Variants in WDR27 observed in about 807,000 individuals in gnomAD.
The protein encoded by WDR27 is WD repeat domain 27.
Under a neutral mutation model 114.4 loss-of-function variants are expected in WDR27, and 100 were observed. The ratio of observed to expected loss-of-function variants is 0.87; its 90% CI spans 0.74 to 1.03. WDR27 has a LOEUF of 1.03. Among genes scored for constraint, WDR27 ranks in the 50% least tolerant of loss-of-function variants. WDR27 has a pLI of 0.00. For synonymous variants in WDR27, 449 were observed against 423.1 expected (o/e 1.06, Z -0.75); for missense variants, 1,129 against 1,092.9 (o/e 1.03, Z -0.47).
chr6:169,665,906 G>C (rs1827727516), intron 6 of WDR27, among the ~76,000 whole-genome samples: 1 of 152,168 alleles, frequency 6.6e-6, no homozygotes, highest in African/African-American at 2.4e-5. Flanking sequence ...CTAGAGGGAG[G>C]GCAGCACTGC....
chr6:169,518,170 G>A (rs557290466), intron 25 of WDR27, among the ~76,000 whole-genome samples: 4 of 152,210 alleles, frequency 2.6e-5, no homozygotes, highest in Non-Finnish European at 5.9e-5. Context: ...TCTAGGCACA[G>A]GGTGCAAGCT....
At chr6:169,664,697 C>T in intron 7 of WDR27, 2 of 1,007,032 alleles carry the variant, frequency 2.0e-6, no homozygotes, top group Non-Finnish European at 2.4e-6. Flanking sequence ...TCTAAGTTTT[C>T]AAAATTATCT....
chr6:169,476,877 A>G (rs984328240), intron 25 of WDR27, among the ~76,000 whole-genome samples: 1 of 152,214 alleles, frequency 6.6e-6, no homozygotes, highest in African/African-American at 2.4e-5. Context: ...ATCATCTGCA[A>G]ATAATGAGAG....
chr6:169,576,985 A>G (rs187241310), intron 24 of WDR27, among the ~76,000 whole-genome samples: 147 of 152,198 alleles, frequency 9.7e-4, no homozygotes, highest in Middle Eastern at 3.4e-3. Context: ...GTAATTATAC[A>G]TTCGTGAATC....
chr6:169,611,688 C>T (rs920973439), intron 22 of WDR27, among the ~76,000 whole-genome samples: 2 of 152,138 alleles, frequency 1.3e-5, no homozygotes, highest in Admixed American at 6.5e-5. Flanking sequence ...ACTTTTAAAA[C>T]ATTTTTGTTA....
intron 23 of WDR27, among the ~76,000 whole-genome samples, chr6:169,595,324 A>T (rs1806570699): frequency 6.6e-6 from 1 of 152,154 alleles, no homozygotes; most frequent in Non-Finnish European, 1.5e-5. Context: ...AAAATGGTAG[A>T]ATTCTTCTTC....
At chr6:169,563,391 C>T (rs898856360) in intron 25 of WDR27, among the ~76,000 whole-genome samples, 2 of 152,196 alleles carry the variant, frequency 1.3e-5, no homozygotes, top group Non-Finnish European at 1.5e-5. Flanking sequence ...CCAAGCCAGA[C>T]CCTGAACACT....
intron 25 of WDR27, among the ~76,000 whole-genome samples, chr6:169,510,484 A>G (rs959720618): frequency 1.4e-4 from 21 of 152,210 alleles, no homozygotes; most frequent in African/African-American, 5.1e-4. Context: ...CTTTGTAGGG[A>G]CATGGATGAA....
chr6:169,517,740 A>G (rs1793854087), intron 25 of WDR27, among the ~76,000 whole-genome samples: 1 of 152,154 alleles, frequency 6.6e-6, no homozygotes, highest in East Asian at 1.9e-4. Flanking sequence ...CTGGATATAG[A>G]ATGATTGGTT....
chr6:169,427,066 T>C, the WDR27 span: 5 of 151,660 alleles, frequency 3.3e-5, no homozygotes, highest in Non-Finnish European at 7.3e-5. Context: ...TGGCAGGAGG[T>C]ACAGCCGCCG....
At chr6:169,632,189 CAA>C (rs1012298678) in intron 21 of WDR27, among the ~76,000 whole-genome samples, 19 of 63,882 alleles carry the variant, frequency 3.0e-4, no homozygotes, top group Admixed American at 5.2e-4. Flanking sequence ...GACTCTGTCT[CAA>C]AAAAAAAAAA....
At chr6:169,508,744 T>C (rs9478032) in intron 25 of WDR27, among the ~76,000 whole-genome samples, 18,638 of 152,288 alleles carry the variant, frequency 0.12, 1,460 homozygotes, top group African/African-American at 0.22. Context: ...TGTGGAAATG[T>C]AAAGTGTTTA....
chr6:169,626,548 C>A (rs960756880), intron 21 of WDR27, among the ~76,000 whole-genome samples: 1 of 152,338 alleles, frequency 6.6e-6, no homozygotes, highest in South Asian at 2.1e-4. Context: ...CCTTCCCTGA[C>A]CCCGCCTTGT....
intron 1 of WDR27, among the ~76,000 whole-genome samples, chr6:169,689,538 T>C (rs2128300367): frequency 6.6e-6 from 1 of 152,382 alleles, no homozygotes; most frequent in Admixed American, 6.5e-5. Context: ...ACACTGTATG[T>C]AATTACAGTT....
chr6:169,491,919 G>T (rs958375726), intron 25 of WDR27, among the ~76,000 whole-genome samples: 4 of 151,458 alleles, frequency 2.6e-5, no homozygotes, highest in Admixed American at 6.6e-5. Flanking sequence ...GATAAGCTGA[G>T]AAAGAGAAAA....
At chr6:169,562,979 C>T (rs565382201) in intron 25 of WDR27, among the ~76,000 whole-genome samples, 91 of 152,136 alleles carry the variant, frequency 6.0e-4, no homozygotes, top group African/African-American at 2.2e-3. Context: ...GCAGCGCTGC[C>T]GGGGGAATGC....
chr6:169,552,261 G>T (rs187794366), intron 25 of WDR27, among the ~76,000 whole-genome samples: 1 of 151,950 alleles, frequency 6.6e-6, no homozygotes, highest in Non-Finnish European at 1.5e-5. Flanking sequence ...ACTTCCTTCC[G>T]TTTAGCCATA....
chr6:169,623,664 T>A (rs1813912539), intron 21 of WDR27, among the ~76,000 whole-genome samples: 1 of 152,218 alleles, frequency 6.6e-6, no homozygotes, highest in Non-Finnish European at 1.5e-5. Flanking sequence ...TGGGATGAAT[T>A]ATTCTGAACC....
intron 6 of WDR27, 48 bp from the exon 7 acceptor site, chr6:169,665,604 CAAT>C: frequency 6.4e-7 from 1 of 1,555,430 alleles, no homozygotes; most frequent in Non-Finnish European, 8.8e-7. Flanking sequence ...TGCCTGGTAC[CAAT>C]TAACCCGAGA....
Sources: gnomAD v4.1 joint callset for allele counts (sites outside exome capture counted in the v4.1 genomes callset) on GRCh38, gnomAD v4.1.1 for gene constraint, MANE v1.5 for transcripts, NCBI Gene and HGNC (gene_info 2026-07-23, HGNC 2026-07-21) for gene names.